CLYBL: variants seen among roughly 807,000 people sequenced by gnomAD.
CLYBL encodes citramalyl-CoA lyase.
Under a neutral mutation model 38.9 loss-of-function variants are expected in CLYBL, and 31 were observed. The observed-to-expected ratio is 0.80, with a 90% CI of 0.60 to 1.08. The LOEUF (loss-of-function observed/expected upper bound fraction) is 1.08. CLYBL is among the 50% of genes least tolerant of loss of function. CLYBL has a pLI of 0.00. For synonymous variants in CLYBL, 171 were observed against 158.6 expected (o/e 1.08, Z -0.59); for missense variants, 434 against 411.6 (o/e 1.05, Z -0.47).
At chr13:99,672,542 A>G (rs2047581709) in intron 1 of CLYBL, among the ~76,000 whole-genome samples, 1 of 151,974 alleles carries the variant, frequency 6.6e-6, no homozygotes, top group Admixed American at 6.6e-5. Context: ...GGGAGGCTTC[A>G]GCAAGTGGAT....
At chr13:99,665,731 A>G (rs1326435328) in intron 1 of CLYBL, among the ~76,000 whole-genome samples, 1 of 152,190 alleles carries the variant, frequency 6.6e-6, no homozygotes, top group African/African-American at 2.4e-5. Context: ...TTTGCATTCT[A>G]GAAGTTTAGA....
chr13:99,643,159 G>GGGCTTGAA lies in CLYBL; in HGVS notation c.62+36409_62+36416dup, dbSNP rs2047121535. ...GCAGTAGGTCTGTACCAAGACCAAG[G>GGGCTTGAA]GGCTTGAAGGCTTGGACGCTCTGCT... On this transcript the variant is annotated intron_variant, in intron 1 of 8. Transcript: ENST00000339105. The GGGCTTGAA allele has an allele frequency of 2.0e-5, 3 of 152,890 alleles. No homozygotes were observed. In the South Asian group the frequency reaches 6.2e-4, roughly 32 times the overall value. 9.5% of individuals were successfully genotyped at this position (152,890 alleles called of 1,614,324 possible). A position where few individuals can be genotyped will look rare whatever the true frequency, so the allele number is the denominator to read the frequency against.
chr13:99,899,996 G>A (rs2052623509), downstream of CLYBL, among the ~76,000 whole-genome samples: 1 of 151,992 alleles, frequency 6.6e-6, no homozygotes, highest in Non-Finnish European at 1.5e-5. Context: ...GTGAGATATT[G>A]GCTCACTGCA....
At chr13:99,868,368 G>A (rs1049502017) in intron 6 of CLYBL, among the ~76,000 whole-genome samples, 2 of 151,986 alleles carry the variant, frequency 1.3e-5, no homozygotes, top group Non-Finnish European at 2.9e-5. Context: ...GCATTTGATT[G>A]CCATACCTTG....
chr13:99,669,007 T>C (rs1193507984), intron 1 of CLYBL, among the ~76,000 whole-genome samples: 2 of 105,882 alleles, frequency 1.9e-5, no homozygotes, highest in Admixed American at 9.0e-5. Context: ...GGCCCTCAGC[T>C]TTTTTTTTTT....
rs1453682054 is a variant in CLYBL, at chr13:99,640,423, A to G, written c.62+33666A>G. Among the ~76,000 whole-genome samples, 3 of 152,202 alleles carry G rather than the reference A, an allele frequency of 2.0e-5. No homozygotes were observed. In the East Asian group the frequency reaches 5.8e-4, roughly 29 times the overall value. On this transcript the variant is annotated intron_variant, in intron 1 of 8. Coordinates refer to ENST00000339105, the MANE Select transcript of CLYBL (RefSeq NM_206808.5). ...AGATATCCTTTTGTGTTTTATTTAA[A>G]TCTATATTTACTAGTTTTAAATAGT...
At position 99,905,807 on chromosome 13, in the gene CLYBL, C is replaced by T. The variant is rs140240096; in HGVS notation, c.*160+402C>T. ...TTGAGACAGGGTCTCTGTCTGTCGC[C>T]CAGACTGGAGTACAGCTGCACGATC... is the stretch of plus-strand genomic sequence containing the variant. On this transcript the variant is annotated intron_variant and NMD_transcript_variant, in intron 9 of 9. Coordinates refer to the CLYBL transcript ENST00000689673. Among the ~76,000 whole-genome samples, 727 of 151,748 alleles carry T rather than the reference C, an allele frequency of 4.8e-3. 7 individuals carry two copies. The highest frequency in any genetic ancestry group is 0.017 in the African/African-American group (698 of 41,362).
chr13:99,748,575 G>C (rs1457310065), intron 1 of CLYBL, among the ~76,000 whole-genome samples: 1 of 150,506 alleles, frequency 6.6e-6, no homozygotes, highest in Non-Finnish European at 1.5e-5. Flanking sequence ...GAGTAGCTGG[G>C]ATTACAGGCA....
chr13:99,702,047 A>AT (rs1487598043), intron 1 of CLYBL, among the ~76,000 whole-genome samples: 1 of 152,214 alleles, frequency 6.6e-6, no homozygotes, highest in Non-Finnish European at 1.5e-5. Context: ...CCACACTGAC[A>AT]TTCAGCAGCT....
intron 1 of CLYBL, among the ~76,000 whole-genome samples, chr13:99,673,957 A>T (rs1253346126): frequency 6.6e-6 from 1 of 151,870 alleles, no homozygotes; most frequent in Non-Finnish European, 1.5e-5. Flanking sequence ...ATAAAAGAGG[A>T]GTCAAGGATG....
intron 2 of CLYBL, among the ~76,000 whole-genome samples, chr13:99,828,063 C>G (rs946796823): frequency 2.0e-5 from 3 of 152,306 alleles, no homozygotes; most frequent in East Asian, 3.9e-4. Flanking sequence ...GCAGGACCCA[C>G]GGATTGCAGG....
intron 1 of CLYBL, among the ~76,000 whole-genome samples, chr13:99,655,836 T>C (rs182911823): frequency 1.3e-5 from 2 of 152,304 alleles, no homozygotes; most frequent in Admixed American, 6.5e-5. Flanking sequence ...GGAAGAGATA[T>C]TGATGAGTGA....
At chr13:99,886,948 A>G (rs1459169730) in intron 7 of CLYBL, among the ~76,000 whole-genome samples, 1 of 152,190 alleles carries the variant, frequency 6.6e-6, no homozygotes, top group Non-Finnish European at 1.5e-5. Context: ...CTCGGTCCAT[A>G]CTTGATGGAT....
intron 1 of CLYBL, among the ~76,000 whole-genome samples, chr13:99,615,915 C>A (rs2046701566): frequency 6.6e-6 from 1 of 152,170 alleles, no homozygotes; most frequent in Non-Finnish European, 1.5e-5. Context: ...CTCACTGCAA[C>A]CTCTGCCTCC....
At chr13:99,757,284 TG>T (rs2138719711) in intron 1 of CLYBL, among the ~76,000 whole-genome samples, 1 of 152,312 alleles carries the variant, frequency 6.6e-6, no homozygotes, top group Admixed American at 6.5e-5. Flanking sequence ...TGAGTTTCAT[TG>T]CTTTCACAGC....
At chr13:99,880,068 A>ATATATATTTTTT (rs34063235) in intron 7 of CLYBL, among the ~76,000 whole-genome samples, 62 of 101,186 alleles carry the variant, frequency 6.1e-4, no homozygotes, top group African/African-American at 2.2e-3. Flanking sequence ...ATATATATAT[A>ATATATATTTTTT]TTTTTTTTTT....
At chr13:99,681,731 CAT>C (rs2047737206) in intron 1 of CLYBL, among the ~76,000 whole-genome samples, 1 of 152,070 alleles carries the variant, frequency 6.6e-6, no homozygotes, top group Non-Finnish European at 1.5e-5. Context: ...GGGTTACAGG[CAT>C]GTGCCACGAC....
At chr13:99,768,060 G>C (rs1231674867) in intron 1 of CLYBL, among the ~76,000 whole-genome samples, 2 of 151,966 alleles carry the variant, frequency 1.3e-5, no homozygotes, top group Admixed American at 6.6e-5. Flanking sequence ...GTGGTATCTA[G>C]AAATCAGATT....
Position 99,737,463 on chromosome 13 carries a change from CT to C in CLYBL, c.63-35359del, listed in dbSNP as rs756748379. 1.0e-3 allele frequency among the ~76,000 whole-genome samples: 157 copies of C among 152,314 alleles called. 1 individual carries two copies. In the Middle Eastern group the frequency reaches 0.014, roughly 13 times the overall value. On this transcript the variant is annotated intron_variant, in intron 1 of 8. Transcript: ENST00000339105. ...GGATTTAAAGAGGTTAAGTAACATG[CT>C]TAGGGTGTCACCAACTCCAGGTGTG...
Sources: allele counts gnomAD v4.1 joint callset (sites outside exome capture counted in the v4.1 genomes callset), GRCh38; gene constraint gnomAD v4.1.1; transcripts MANE v1.5; gene names NCBI Gene and HGNC (gene_info 2026-07-23, HGNC 2026-07-21).